The following PSD3 variants were observed in gnomAD, a reference collection of about 807,000 sequenced individuals.
PSD3 encodes the protein pleckstrin and Sec7 domain containing 3, also known as PH and SEC7 domain-containing protein 3.
In PSD3, 49 loss-of-function variants were observed where a neutral mutation model predicts 105.5. The ratio of observed to expected loss-of-function variants is 0.46; its 90% confidence interval spans 0.37 to 0.59. The LOEUF is 0.59. PSD3 is among the 20% of genes least tolerant of loss of function. The pLI is 0.00. For synonymous variants in PSD3, 557 were observed against 457.8 expected, an observed-to-expected ratio of 1.22 and a Z score of -2.77; for missense variants, 1,561 against 1,263.8, an observed-to-expected ratio of 1.24 and a Z score of -3.57.
chr8:18,625,294 T>C (rs879782241), intron 11 of PSD3, among the ~76,000 whole-genome samples: 16 of 152,094 alleles, frequency 1.1e-4, no homozygotes, highest in Admixed American at 2.0e-4. Context: ...ATCAAATTTT[T>C]ATAAACACTG....
intron 2 of PSD3, among the ~76,000 whole-genome samples, chr8:18,898,043 G>C (rs1179565644): frequency 6.6e-6 from 1 of 152,182 alleles, no homozygotes; most frequent in African/African-American, 2.4e-5. Context: ...CCCCAGTTCA[G>C]TATAATGTTG....
chr8:18,839,533 G>C (rs186853250), intron 4 of PSD3, among the ~76,000 whole-genome samples: 202 of 152,190 alleles, frequency 1.3e-3, no homozygotes, highest in Admixed American at 2.1e-3. Flanking sequence ...AAGCCAAGGG[G>C]AATGATGGTT....
At chr8:18,913,693 C>A (rs1316350415) in intron 2 of PSD3, among the ~76,000 whole-genome samples, 1 of 152,146 alleles carries the variant, frequency 6.6e-6, no homozygotes, top group African/African-American at 2.4e-5. Context: ...AGGCCTGCCC[C>A]CAGTGAACCC....
intron 2 of PSD3, among the ~76,000 whole-genome samples, chr8:18,915,033 T>A (rs1820491880): frequency 6.6e-6 from 1 of 151,158 alleles, no homozygotes; most frequent in South Asian, 2.1e-4. Flanking sequence ...AGGAAGCCCA[T>A]AAATAAAGCC....
intron 9 of PSD3, among the ~76,000 whole-genome samples, chr8:18,695,666 A>T (rs1045238534): frequency 2.0e-5 from 3 of 152,212 alleles, no homozygotes; most frequent in African/African-American, 7.2e-5. Flanking sequence ...GAGGACACCA[A>T]TCTCAACGGT....
At chr8:19,035,956 T>C (rs1013826607) in intron 1 of PSD3, among the ~76,000 whole-genome samples, 2 of 152,142 alleles carry the variant, frequency 1.3e-5, no homozygotes, top group Admixed American at 6.5e-5. Context: ...GGTTTCACCA[T>C]GTTGCCCAGG....
rs577921341 is a variant in PSD3 at position 19,046,538 on chromosome 8, C to T, written c.324+37668G>A. 2.0e-5 allele frequency among the ~76,000 whole-genome samples: 3 copies of T among 152,280 alleles called. No individual in the cohort carries two copies. In the East Asian group the frequency reaches 5.8e-4, roughly 29 times the overall value. On this transcript the variant is annotated intron_variant, in intron 1 of 1. Coordinates refer to the PSD3 transcript ENST00000521475. ...CATCATGCATCTGGCTGAGGTCAGG[C>T]TCAACAAAGGGCCATGCCTATTCTT...
Position 18,754,515 on chromosome 8 carries a change from A to G in PSD3, c.2172+10934T>C, listed in dbSNP as rs544338582. 8.5e-5 allele frequency among the ~76,000 whole-genome samples: 13 copies of G among 152,278 alleles called. No homozygotes were observed. In the Middle Eastern group the frequency reaches 0.01, roughly 120 times the overall value. ...TTGCCCACGAACAGCTGGCTCGGTG[A>G]TAGTCAGCAGTAACTTGTATGCTGG... On this transcript the variant is annotated intron_variant, in intron 9 of 15. Transcript: ENST00000327040.
At chr8:18,818,046 C>T (rs576056410) in intron 4 of PSD3, among the ~76,000 whole-genome samples, 6 of 152,256 alleles carry the variant, frequency 3.9e-5, no homozygotes, top group African/African-American at 1.4e-4. Flanking sequence ...CTCTGCCTCC[C>T]CGGTTCAAGC....
At chr8:18,548,772 G>A (rs1317690944) in intron 15 of PSD3, among the ~76,000 whole-genome samples, 3 of 152,306 alleles carry the variant, frequency 2.0e-5, no homozygotes, top group South Asian at 4.1e-4. Flanking sequence ...ATGGGAGTGT[G>A]AGGTGCATGG....
chr8:18,907,099 G>T (rs1312587386), intron 2 of PSD3, among the ~76,000 whole-genome samples: 1 of 152,192 alleles, frequency 6.6e-6, no homozygotes, highest in Admixed American at 6.5e-5. Context: ...AAAGTTAAAA[G>T]TTTACAAAGT....
At chr8:18,754,389 T>C (rs981466679) in intron 9 of PSD3, among the ~76,000 whole-genome samples, 2 of 152,132 alleles carry the variant, frequency 1.3e-5, no homozygotes, top group Admixed American at 6.6e-5. Flanking sequence ...ATCTCAAAAT[T>C]AATAAATGAA....
At chr8:18,732,610 A>C (rs1182522320) in intron 9 of PSD3, among the ~76,000 whole-genome samples, 1 of 152,192 alleles carries the variant, frequency 6.6e-6, no homozygotes, top group Non-Finnish European at 1.5e-5. Context: ...TCCCTCCAGC[A>C]GGATATCTTG....
intron 2 of PSD3, among the ~76,000 whole-genome samples, chr8:18,900,948 G>A (rs184718012): frequency 6.6e-6 from 1 of 152,208 alleles, no homozygotes; most frequent in African/African-American, 2.4e-5. Context: ...ATATAGTACA[G>A]TATGTACTAC....
chr8:18,634,588 C>A (rs1444678785), intron 10 of PSD3, among the ~76,000 whole-genome samples: 1 of 152,106 alleles, frequency 6.6e-6, no homozygotes, highest in Non-Finnish European at 1.5e-5. Context: ...GTCTCTTTAG[C>A]GTCTTCCAGT....
At chr8:18,836,906 G>A (rs1282395675) in intron 4 of PSD3, among the ~76,000 whole-genome samples, 2 of 144,610 alleles carry the variant, frequency 1.4e-5, no homozygotes, top group Admixed American at 6.9e-5. Context: ...ACAGATACCA[G>A]GGCTGACTGT....
intron 9 of PSD3, among the ~76,000 whole-genome samples, chr8:18,738,371 C>T (rs1804309655): frequency 6.6e-6 from 1 of 152,138 alleles, no homozygotes; most frequent in Non-Finnish European, 1.5e-5. Flanking sequence ...GAAGGTTCAT[C>T]AAGATCATCT....
chr8:18,554,880 T>C (rs1016308152), intron 15 of PSD3, among the ~76,000 whole-genome samples: 1 of 152,048 alleles, frequency 6.6e-6, no homozygotes, highest in Admixed American at 6.6e-5. Flanking sequence ...GAAATGAAGA[T>C]GATGGGAAGA....
At chr8:18,876,327 C>T (rs1358390375) in intron 2 of PSD3, among the ~76,000 whole-genome samples, 1 of 152,170 alleles carries the variant, frequency 6.6e-6, no homozygotes, top group East Asian at 1.9e-4. Flanking sequence ...GTTGTTTCAA[C>T]TTGTTGGCTG....
Sources: allele counts gnomAD v4.1 joint callset (sites outside exome capture counted in the v4.1 genomes callset), GRCh38; gene constraint gnomAD v4.1.1; transcripts MANE v1.5; gene names NCBI Gene and HGNC (gene_info 2026-07-23, HGNC 2026-07-21).